The following CAST variants were observed in gnomAD, a reference collection of about 807,000 sequenced individuals.
The protein encoded by CAST is calpastatin.
Under a neutral mutation model 119.6 loss-of-function variants are expected in CAST, and 76 were observed. The ratio of observed to expected loss-of-function variants is 0.64; its 90% CI spans 0.53 to 0.77. The LOEUF is 0.77. Among genes scored for constraint, CAST ranks in the 30% least tolerant of loss-of-function variants. CAST has a pLI of 0.00. For synonymous variants in CAST, 319 were observed against 331.6 expected, an observed-to-expected ratio of 0.96 and a Z score of 0.41; for missense variants, 953 against 946.5, an observed-to-expected ratio of 1.01 and a Z score of -0.09.
At chr5:96,426,267 T>G in the CAST span, among the ~76,000 whole-genome samples, 2 of 152,190 alleles carry the variant, frequency 1.3e-5, no homozygotes. Flanking sequence ...TATATTGAGG[T>G]TTCAGGGCTC....
chr5:96,432,059 A>T, the CAST span: 1 of 1,507,736 alleles, frequency 6.6e-7, no homozygotes, highest in South Asian at 1.2e-5. Flanking sequence ...ATAAGCTGAA[A>T]TTCCCGGGAA....
the CAST span, among the ~76,000 whole-genome samples, chr5:96,455,820 C>A: frequency 6.6e-6 from 1 of 152,094 alleles, no homozygotes; most frequent in Admixed American, 6.6e-5. Flanking sequence ...TAGTTTTTAC[C>A]ATAGCTTGGA....
At chr5:96,112,004 T>G in the CAST span, among the ~76,000 whole-genome samples, 1 of 151,298 alleles carries the variant, frequency 6.6e-6, no homozygotes, top group African/African-American at 2.4e-5. Flanking sequence ...TTTTATATAG[T>G]TTTTTATAAT....
chr5:96,551,952 C>T lies in CAST; in HGVS notation c.60+22072C>T, dbSNP rs539305621. Among the ~76,000 whole-genome samples the T allele has an allele frequency of 5.9e-5, 9 of 152,240 alleles. No individual in the cohort carries two copies. The South Asian group carries it at 1.9e-3, about 32-fold the overall frequency. On this transcript the variant is annotated intron_variant, in intron 1 of 11. Transcript: ENST00000505143. ...AAAGACCTACAAAGAAACTTAGACT[C>T]CCACACAATAATAATGGGAGACTTT...
At chr5:96,351,481 C>A in the CAST span, among the ~76,000 whole-genome samples, 1 of 152,094 alleles carries the variant, frequency 6.6e-6, no homozygotes, top group Non-Finnish European at 1.5e-5. Flanking sequence ...TGACAGAAAT[C>A]AGAACACTCA....
the CAST span, among the ~76,000 whole-genome samples, chr5:96,029,488 A>G: frequency 6.6e-6 from 1 of 152,136 alleles, no homozygotes; most frequent in Non-Finnish European, 1.5e-5. Context: ...TAAAATGAGG[A>G]AATAAAAATG....
chr5:96,409,762 C>CTGTG, the CAST span, among the ~76,000 whole-genome samples: 2 of 152,148 alleles, frequency 1.3e-5, no homozygotes, highest in African/African-American at 4.8e-5. Context: ...GCCATAAAAC[C>CTGTG]CCTCGGTAGA....
intron 2 of CAST, among the ~76,000 whole-genome samples, chr5:96,688,920 A>C (rs1325044103): frequency 6.6e-6 from 1 of 152,032 alleles, no homozygotes; most frequent in Non-Finnish European, 1.5e-5. Flanking sequence ...GAGATTTTTT[A>C]CTTTGGGGCC....
At chr5:96,069,012 T>C in the CAST span, among the ~76,000 whole-genome samples, 1 of 151,450 alleles carries the variant, frequency 6.6e-6, no homozygotes, top group South Asian at 2.1e-4. Context: ...TATATGTGCA[T>C]GTGTATAACC....
At chr5:96,449,914 T>C in the CAST span, among the ~76,000 whole-genome samples, 1 of 152,242 alleles carries the variant, frequency 6.6e-6, no homozygotes, top group Admixed American at 6.5e-5. Context: ...GCCATCTTGG[T>C]ATTTTCCCTT....
At chr5:95,961,709 C>A in the CAST span, 13 of 1,605,638 alleles carry the variant, frequency 8.1e-6, no homozygotes, top group Non-Finnish European at 1.1e-5. Context: ...CCCCCTGTCC[C>A]CCCCGCCGCC....
At chr5:96,620,229 C>T (rs1291847836) in intron 1 of CAST, among the ~76,000 whole-genome samples, 1 of 151,800 alleles carries the variant, frequency 6.6e-6, no homozygotes, top group Non-Finnish European at 1.5e-5. Context: ...AATTAGTTAT[C>T]AGGAGTAGGA....
At chr5:96,086,028 A>G in the CAST span, among the ~76,000 whole-genome samples, 1 of 152,202 alleles carries the variant, frequency 6.6e-6, no homozygotes, top group Non-Finnish European at 1.5e-5. Flanking sequence ...TGAATGCTCA[A>G]GTCTCTAATA....
At chr5:96,569,401 A>T (rs1189451510) in intron 1 of CAST, among the ~76,000 whole-genome samples, 1 of 152,210 alleles carries the variant, frequency 6.6e-6, no homozygotes, top group African/African-American at 2.4e-5. Flanking sequence ...ATTTATATAT[A>T]TTTTTAAAAC....
chr5:96,504,045 A>G, the CAST span, among the ~76,000 whole-genome samples: 4 of 152,110 alleles, frequency 2.6e-5, no homozygotes, highest in Non-Finnish European at 4.4e-5. Flanking sequence ...TGTCTGCTTT[A>G]TTGAAATGCC....
At chr5:95,999,056 T>C in the CAST span, among the ~76,000 whole-genome samples, 1 of 139,696 alleles carries the variant, frequency 7.2e-6, no homozygotes, top group Non-Finnish European at 1.5e-5. Context: ...TTTTTTGAGA[T>C]TTTTTTAGTG....
chr5:96,503,674 G>T, the CAST span, among the ~76,000 whole-genome samples: 1 of 152,136 alleles, frequency 6.6e-6, no homozygotes, highest in Non-Finnish European at 1.5e-5. Flanking sequence ...ATGTCGTGCT[G>T]CTCTATTGAA....
At chr5:96,211,816 GT>G in the CAST span, among the ~76,000 whole-genome samples, 1 of 151,996 alleles carries the variant, frequency 6.6e-6, no homozygotes, top group South Asian at 2.1e-4. Flanking sequence ...TTTCTTAATA[GT>G]TATTGTACTA....
At chr5:96,041,677 T>C in the CAST span, among the ~76,000 whole-genome samples, 1 of 152,096 alleles carries the variant, frequency 6.6e-6, no homozygotes, top group Non-Finnish European at 1.5e-5. Flanking sequence ...CTCTCTGTAC[T>C]ATGGCCTAAT....
Sources: gnomAD v4.1 joint callset for allele counts (sites outside exome capture counted in the v4.1 genomes callset) on GRCh38, gnomAD v4.1.1 for gene constraint, MANE v1.5 for transcripts, NCBI Gene and HGNC (gene_info 2026-07-23, HGNC 2026-07-21) for gene names.